FMNL3: variants seen among roughly 807,000 people sequenced by gnomAD.
The protein encoded by FMNL3 is formin-like protein 3.
A neutral mutation model predicts 119.6 loss-of-function variants in FMNL3; 57 were observed. The observed-to-expected ratio is 0.48, with a 90% CI of 0.39 to 0.59. The LOEUF (loss-of-function observed/expected upper bound fraction) is 0.59. FMNL3 is among the 20% of genes least tolerant of loss of function. FMNL3 has a pLI of 0.00. For missense variants in FMNL3, 1,053 were observed against 1,323.5 expected (o/e 0.80, Z 3.17); for synonymous variants, 491 against 507.3 (o/e 0.97, Z 0.43).
At chr12:49,664,483 G>C (rs1301478151) in intron 4 of FMNL3, among the ~76,000 whole-genome samples, 1 of 152,098 alleles carries the variant, frequency 6.6e-6, no homozygotes, top group Non-Finnish European at 1.5e-5. Context: ...GAGTGGTAGG[G>C]GGCTCAGGGT....
At chr12:49,701,709 GC>G (rs1944914372) in intron 1 of FMNL3, among the ~76,000 whole-genome samples, 2 of 151,920 alleles carry the variant, frequency 1.3e-5, no homozygotes, top group Non-Finnish European at 2.9e-5. Flanking sequence ...ATCACTTGAG[GC>G]CAGGGGTTCG....
In FMNL3 at chr12:49,643,469, C is replaced by A. The variant is rs1308622553; in HGVS notation, c.*2346G>T. On this transcript the variant is annotated 3_prime_UTR_variant, in exon 26 of 26. Coordinates refer to ENST00000335154, the MANE Select transcript of FMNL3 (RefSeq NM_175736.5). ...ACTGAGAGGATGCCCTCCACAAGCC[C>A]CAGCTCCTTTGAGGGTAGACTGGAT... The A allele has an allele frequency of 6.6e-7, 1 of 1,504,214 alleles. No homozygotes were observed. Among genetic ancestry groups the A allele is most frequent in the Non-Finnish European group, 8.9e-7 (1 of 1,122,708 alleles). The allele number at this position is 1,504,214 out of a possible 1,614,324, so 93.2% of individuals were successfully genotyped here. A position where few individuals can be genotyped will look rare whatever the true frequency, so the allele number is the denominator to read the frequency against.
rs1255338315 is a variant in FMNL3, at chr12:49,636,969, A to G, written c.*8846T>C. On this transcript the variant is annotated 3_prime_UTR_variant, in exon 26 of 26. Coordinates refer to ENST00000335154, the MANE Select transcript of FMNL3 (RefSeq NM_175736.5). ...TTCTTTCTGTGCCTAGCCCTGTCCA[A>G]GCTCTATGAGACCTCTCTCTGCCTG... 1.4e-5 allele frequency: 20 copies of G among 1,430,050 alleles called. No homozygotes were observed. The East Asian group carries it at 2.1e-4, about 15-fold the overall frequency. The allele number at this position is 1,430,050 out of a possible 1,614,324, so 88.6% of individuals were successfully genotyped here.
intron 1 of FMNL3, among the ~76,000 whole-genome samples, chr12:49,674,656 T>C (rs371215079): frequency 1.9e-4 from 29 of 152,300 alleles, no homozygotes; most frequent in African/African-American, 7.0e-4. Flanking sequence ...GCTCCTTAAG[T>C]GTCTGTAGTA....
At chr12:49,674,117 G>C (rs189250056) in intron 1 of FMNL3, among the ~76,000 whole-genome samples, 103 of 152,212 alleles carry the variant, frequency 6.8e-4, no homozygotes, top group African/African-American at 2.3e-3. Flanking sequence ...TGCCAACCTG[G>C]GGAGACAAAG....
chr12:49,654,177 C>T lies in FMNL3; in HGVS notation c.1071+15G>A, dbSNP rs370194376. On this transcript the variant is annotated intron_variant, in intron 11 of 25. Coordinates refer to ENST00000335154, the MANE Select transcript of FMNL3 (RefSeq NM_175736.5). ...CCCAAAGCACCTCACCTTACAAGGA[C>T]CCCAGCCAGCTCACCTGCAGGAACT... The T allele has an allele frequency of 3.1e-5, 50 of 1,609,962 alleles. No individual in the cohort carries two copies. Among genetic ancestry groups the T allele is most frequent in the Non-Finnish European group, 3.9e-5 (46 of 1,176,552 alleles).
At chr12:49,699,696 G>A (rs1490110298) in intron 1 of FMNL3, among the ~76,000 whole-genome samples, 3 of 152,086 alleles carry the variant, frequency 2.0e-5, no homozygotes, top group African/African-American at 2.4e-5. Context: ...AAAACTATAC[G>A]AAATGTATAC....
At chr12:49,678,024 G>A (rs1944237378) in intron 1 of FMNL3, among the ~76,000 whole-genome samples, 1 of 151,674 alleles carries the variant, frequency 6.6e-6, no homozygotes, top group African/African-American at 2.4e-5. Flanking sequence ...CACCATACCC[G>A]GCTAATTTTT....
At chr12:49,672,645 G>A (rs1336095836) in intron 1 of FMNL3, among the ~76,000 whole-genome samples, 1 of 152,190 alleles carries the variant, frequency 6.6e-6, no homozygotes. Flanking sequence ...AAGCCAAGGA[G>A]GGAGGCAGCT....
At chr12:49,666,058 G>A in intron 3 of FMNL3, 69 bp downstream of exon 3, 2 of 1,564,056 alleles carry the variant, frequency 1.3e-6, no homozygotes, top group South Asian at 1.1e-5. Flanking sequence ...CCAAGTCAAA[G>A]GGTTTGCCCC....
intron 1 of FMNL3, among the ~76,000 whole-genome samples, chr12:49,690,755 G>A (rs1040167288): frequency 5.3e-5 from 8 of 152,210 alleles, no homozygotes; most frequent in Non-Finnish European, 1.2e-4. Context: ...AAGAGCAAAG[G>A]AGAGTCAACC....
At chr12:49,669,441 G>T (rs548121122) in intron 1 of FMNL3, among the ~76,000 whole-genome samples, 28 of 152,330 alleles carry the variant, frequency 1.8e-4, no homozygotes, top group African/African-American at 5.8e-4. Context: ...CCCTACCCAT[G>T]CTAGGAGGCT....
At chr12:49,695,195 T>C (rs763114533) in intron 1 of FMNL3, among the ~76,000 whole-genome samples, 11 of 152,132 alleles carry the variant, frequency 7.2e-5, no homozygotes, top group African/African-American at 9.7e-5. Flanking sequence ...GTAAACATTA[T>C]AGATAAAGCT....
Position 49,671,501 on chromosome 12 carries a change from G to A in FMNL3, c.127-2947C>T, listed in dbSNP as rs184238027. 2.9e-3 allele frequency among the ~76,000 whole-genome samples: 435 copies of A among 152,344 alleles called. 8 individuals are homozygous for A. Among genetic ancestry groups the A allele is most frequent in the Admixed American group, 0.027 (418 of 15,306 alleles). On this transcript the variant is annotated intron_variant, in intron 1 of 25. Transcript: ENST00000335154. ...AAGCTCCAGCATTCTCAGAAGAAAC[G>A]GGTCACTGGCTGCCAGTGGGAGCCA...
In FMNL3 at chr12:49,644,459, T is replaced by TA. The variant is rs995081579; in HGVS notation, c.*1355dup. On this transcript the variant is annotated 3_prime_UTR_variant, in exon 26 of 26. Coordinates refer to ENST00000335154, the MANE Select transcript of FMNL3 (RefSeq NM_175736.5). The stretch of plus-strand genomic sequence containing the variant: ...ATGTGGGGTGGGTGATGCCAGTAGA[T>TA]AAAAGTGTGAGAGAAGGGGTCTCCA... 2.1e-6 allele frequency: 1 copy of TA among 466,512 alleles called. No homozygotes were observed. The highest frequency in any genetic ancestry group is 4.0e-6 in the Non-Finnish European group (1 of 251,220). The allele number at this position is 466,512 out of a possible 1,614,324, so 28.9% of individuals were successfully genotyped here.
chr12:49,686,578 CAAAAAAAA>C (rs746062262), intron 1 of FMNL3, among the ~76,000 whole-genome samples: 5 of 61,910 alleles, frequency 8.1e-5, no homozygotes, highest in African/African-American at 2.5e-4. Flanking sequence ...ACTTCATCTC[CAAAAAAAA>C]AAAAAAAAAA....
chr12:49,688,007 T>C (rs1472336656), intron 1 of FMNL3, among the ~76,000 whole-genome samples: 1 of 152,182 alleles, frequency 6.6e-6, no homozygotes, highest in Non-Finnish European at 1.5e-5. Flanking sequence ...GTCCAGAACC[T>C]CTGCAAATTA....
rs947313876 is a variant in FMNL3 at position 49,644,630 on chromosome 12, GTT to G, written c.*1183_*1184del. On this transcript the variant is annotated 3_prime_UTR_variant, in exon 26 of 26. Coordinates refer to ENST00000335154, the MANE Select transcript of FMNL3 (RefSeq NM_175736.5). ...CCAGGACCTAATGTACGTGTGTTTTGTTTTTTGTTTTTTAAATAACAATATTT... is the reference window on the plus strand; with the variant it reads ...CCAGGACCTAATGTACGTGTGTTTTGTTTTGTTTTTTAAATAACAATATTT... 5.4e-6 allele frequency: 1 copy of G among 186,122 alleles called. No homozygotes were observed. The allele number at this position is 186,122 out of a possible 1,614,324, so 11.5% of individuals were successfully genotyped here.
In FMNL3 at chr12:49,668,464, C is replaced by T; in HGVS notation, c.210+7G>A. The T allele has an allele frequency of 6.2e-7, 1 of 1,613,838 alleles. No homozygotes were observed. The highest frequency in any genetic ancestry group is 8.5e-7 in the Non-Finnish European group (1 of 1,179,982). ...CCTACCTCCCTCCTCTTTCCCAAAC[C>T]CCATACCTGGTCACAGATCAGATCC... On this transcript the variant is annotated splice_region_variant and intron_variant, in intron 2 of 25. Transcript: ENST00000335154.
Sources: gnomAD v4.1 joint callset for allele counts (sites outside exome capture counted in the v4.1 genomes callset) on GRCh38, gnomAD v4.1.1 for gene constraint, MANE v1.5 for transcripts, NCBI Gene and HGNC (gene_info 2026-07-23, HGNC 2026-07-21) for gene names.